The following HIGD1A variants were observed in gnomAD, a reference collection of about 807,000 sequenced individuals.
HIGD1A encodes HIG1 domain family member 1A, mitochondrial.
In HIGD1A, 8 loss-of-function variants were observed where a neutral mutation model predicts 11.3. The observed-to-expected ratio is 0.71, with a 90% CI of 0.42 to 1.28. The LOEUF (loss-of-function observed/expected upper bound fraction) is 1.28. Among genes scored for constraint, HIGD1A ranks in the 50% most tolerant of loss-of-function variants. HIGD1A has a pLI of 0.01. For missense variants in HIGD1A, 107 were observed against 118.8 expected (o/e 0.90, Z 0.46); for synonymous variants, 32 against 38.4 (o/e 0.83, Z 0.62).
intron 1 of HIGD1A, among the ~76,000 whole-genome samples, chr3:42,801,750 T>TTA (rs1156977844): frequency 6.6e-6 from 1 of 152,228 alleles, no homozygotes; most frequent in Non-Finnish European, 1.5e-5. Flanking sequence ...GACAAAACTA[T>TTA]TATATACCAT....
rs186361208 is a variant in HIGD1A at position 42,801,712 on chromosome 3, T to C, written c.-23+2724A>G. Among the ~76,000 whole-genome samples the C allele has an allele frequency of 3.0e-3, 457 of 152,348 alleles. 1 individual carries two copies. Among genetic ancestry groups the C allele is most frequent in the Non-Finnish European group, 4.9e-3 (336 of 68,034 alleles). ...TGTACCTATGAAAAGAGAAATAACCTGAGGTCTTAGTTCCTTGCAACACAG... is the reference window on the plus strand; with the variant it reads ...TGTACCTATGAAAAGAGAAATAACCCGAGGTCTTAGTTCCTTGCAACACAG... On this transcript the variant is annotated intron_variant, in intron 1 of 3. Transcript: ENST00000321331.
intron 3 of HIGD1A, among the ~76,000 whole-genome samples, chr3:42,785,702 T>C (rs2125923366): frequency 6.6e-6 from 1 of 152,288 alleles, no homozygotes; most frequent in South Asian, 2.1e-4. Context: ...ATCTCTCCTT[T>C]AAAAACACAA....
At chr3:42,804,097 G>T in intron 1 of HIGD1A, 1 of 1,457,240 alleles carries the variant, frequency 6.9e-7, no homozygotes, top group Middle Eastern at 1.8e-4. Flanking sequence ...CCGCCGTCGG[G>T]CCCAGTCAAC....
chr3:42,800,243 C>A, intron 1 of HIGD1A, among the ~76,000 whole-genome samples: 1 of 151,990 alleles, frequency 6.6e-6, no homozygotes, highest in South Asian at 2.1e-4. Context: ...GCAGGAGGAT[C>A]GCTTGAACCC....
chr3:42,804,441 G>A lies in HIGD1A; in HGVS notation c.-28C>T, dbSNP rs1467869068. ...CCCCGGCTTGTTTCGCTTACCTAGAGCGAGAAAACCTCTCACACCCCAACC... is the reference window on the plus strand; with the variant it reads ...CCCCGGCTTGTTTCGCTTACCTAGAACGAGAAAACCTCTCACACCCCAACC... On this transcript the variant is annotated 5_prime_UTR_variant, in exon 1 of 4. Transcript: ENST00000321331. 5 of 479,488 alleles carry A rather than the reference G, an allele frequency of 1.0e-5. No individual in the cohort carries two copies. Among genetic ancestry groups the A allele is most frequent in the South Asian group, 3.3e-5 (1 of 30,504 alleles). 29.7% of individuals were successfully genotyped at this position (479,488 alleles called of 1,614,324 possible).
intron 1 of HIGD1A, among the ~76,000 whole-genome samples, chr3:42,799,892 T>TAGCTAAGG (rs1700535417): frequency 6.6e-6 from 1 of 152,208 alleles, no homozygotes; most frequent in African/African-American, 2.4e-5. Context: ...TGATGTATTT[T>TAGCTAAGG]AGCTAAAGGA....
rs1445381782 is a variant in HIGD1A at position 42,783,836 on chromosome 3, G to A, written c.*1435C>T. On this transcript the variant is annotated 3_prime_UTR_variant, in exon 4 of 4. Coordinates refer to ENST00000321331, the MANE Select transcript of HIGD1A (RefSeq NM_014056.4). ...CACGCCTGTAATCCTAGCACTTTGG[G>A]AGGCCGAGGCAGGTGGATAACCTGA... Among the ~76,000 whole-genome samples, 1 of 152,088 alleles carries A rather than the reference G, an allele frequency of 6.6e-6. No homozygotes were observed. Among genetic ancestry groups the A allele is most frequent in the African/African-American group, 2.4e-5 (1 of 41,430 alleles).
chr3:42,792,650 G>A (rs1700438269), intron 2 of HIGD1A, among the ~76,000 whole-genome samples: 4 of 148,774 alleles, frequency 2.7e-5, no homozygotes, highest in African/African-American at 1.0e-4. Flanking sequence ...CTCCAGCCTG[G>A]GCGACAGAGC....
chr3:42,802,131 A>C (rs955375251), intron 1 of HIGD1A, among the ~76,000 whole-genome samples: 1 of 152,114 alleles, frequency 6.6e-6, no homozygotes, highest in African/African-American at 2.4e-5. Flanking sequence ...GGCTGACTCT[A>C]ATTCTCCAAC....
At position 42,786,118 on chromosome 3, in the gene HIGD1A, G is replaced by C. The variant is rs757824777; in HGVS notation, c.142C>G (p.Leu48Val). The C allele has an allele frequency of 7.4e-6, 12 of 1,613,986 alleles. No homozygotes were observed. In the South Asian group the frequency reaches 1.3e-4, roughly 18 times the overall value. ...AAIVAYGLYK[L>V]KSRGNTKMSI... Reference sequence around the variant, plus strand: ...ATTTTAGTATTTCCCCTGCTCTTCAGTTTATATAATCCATATGCAACAATT... The same window carrying C: ...ATTTTAGTATTTCCCCTGCTCTTCACTTTATATAATCCATATGCAACAATT... The change falls in exon 3 of 4, where the codon CTG (leucine) becomes GTG (valine). Residue 48 changes from leucine (L) to valine (V), a missense_variant. Leu to Val is a conservative substitution (Grantham distance 32, BLOSUM62 1). Transcript: ENST00000321331.
intron 2 of HIGD1A, among the ~76,000 whole-genome samples, chr3:42,791,243 A>G (rs1700418536): frequency 6.6e-6 from 1 of 152,242 alleles, no homozygotes; most frequent in South Asian, 2.1e-4. Context: ...TCATACCTAC[A>G]AATAAATTCC....
intron 1 of HIGD1A, among the ~76,000 whole-genome samples, chr3:42,795,750 T>C (rs1410869244): frequency 1.3e-5 from 2 of 151,962 alleles, no homozygotes; most frequent in African/African-American, 2.4e-5. Flanking sequence ...TTCATTTTCA[T>C]TATCACAGGG....
rs1385958778 is a variant in HIGD1A at position 42,789,883 on chromosome 3, G to A, written c.98-3721C>T. On this transcript the variant is annotated intron_variant, in intron 2 of 3. Transcript: ENST00000321331. ...CTACAGGCGTGTGGCACCATGCCCAGCTAATTTTTAAATTTTTTTTGTAGA... is the reference window on the plus strand; with the variant it reads ...CTACAGGCGTGTGGCACCATGCCCAACTAATTTTTAAATTTTTTTTGTAGA... Among the ~76,000 whole-genome samples the A allele has an allele frequency of 3.3e-5, 5 of 152,070 alleles. No homozygotes were observed. The South Asian group carries it at 1.0e-3, about 32-fold the overall frequency.
chr3:42,790,829 C>T (rs1700414367), intron 2 of HIGD1A, among the ~76,000 whole-genome samples: 1 of 152,122 alleles, frequency 6.6e-6, no homozygotes, highest in Non-Finnish European at 1.5e-5. Context: ...GACACGGCGT[C>T]TTCCTATGTT....
intron 1 of HIGD1A, among the ~76,000 whole-genome samples, chr3:42,801,128 G>C (rs1049603990): frequency 2.0e-5 from 3 of 152,168 alleles, no homozygotes; most frequent in African/African-American, 7.2e-5. Context: ...GGTTTGGCTG[G>C]CATCAATCTT....
rs780326839 is a variant in HIGD1A at position 42,783,841 on chromosome 3, C to T, written c.*1430G>A. On this transcript the variant is annotated 3_prime_UTR_variant, in exon 4 of 4. Coordinates refer to ENST00000321331, the MANE Select transcript of HIGD1A (RefSeq NM_014056.4). ...CTGTAATCCTAGCACTTTGGGAGGCCGAGGCAGGTGGATAACCTGAGGTCA... is the reference window on the plus strand; with the variant it reads ...CTGTAATCCTAGCACTTTGGGAGGCTGAGGCAGGTGGATAACCTGAGGTCA... Among the ~76,000 whole-genome samples, 4 of 151,782 alleles carry T rather than the reference C, an allele frequency of 2.6e-5. No individual in the cohort carries two copies. Among genetic ancestry groups the T allele is most frequent in the Admixed American group, 6.6e-5 (1 of 15,226 alleles).
chr3:42,795,195 G>A (rs1015282603), intron 1 of HIGD1A, among the ~76,000 whole-genome samples: 13 of 147,556 alleles, frequency 8.8e-5, no homozygotes, highest in Admixed American at 2.0e-4. Context: ...ACAGGTGTGA[G>A]CCACTGTGCC....
rs868493979 is a variant in HIGD1A, at chr3:42,782,946, T to C, written c.*2325A>G. The stretch of plus-strand genomic sequence containing the variant: ...TACTTTAATATTCCAAAGAAAAATA[T>C]GAACTGAGAATTGTATTATCTAGCC... On this transcript the variant is annotated 3_prime_UTR_variant, in exon 4 of 4. Transcript: ENST00000321331. Among the ~76,000 whole-genome samples the C allele has an allele frequency of 6.6e-6, 1 of 152,172 alleles. No individual in the cohort carries two copies. Among genetic ancestry groups the C allele is most frequent in the African/African-American group, 2.4e-5 (1 of 41,440 alleles).
At chr3:42,802,849 A>G (rs1700584553) in intron 1 of HIGD1A, among the ~76,000 whole-genome samples, 1 of 152,228 alleles carries the variant, frequency 6.6e-6, no homozygotes, top group African/African-American at 2.4e-5. Flanking sequence ...CAAAGCATCA[A>G]TCTTACGCTG....
Sources: gnomAD v4.1 joint callset for allele counts (sites outside exome capture counted in the v4.1 genomes callset) on GRCh38, gnomAD v4.1.1 for gene constraint, MANE v1.5 for transcripts, NCBI Gene and HGNC (gene_info 2026-07-23, HGNC 2026-07-21) for gene names.